ENTPD8: variants seen among roughly 807,000 people sequenced by gnomAD.
ENTPD8 encodes E-NTPDase 8.
ENTPD8 carries 35 observed loss-of-function variants against 47.0 expected under a neutral mutation model. The ratio of observed to expected loss-of-function variants is 0.75; its 90% CI spans 0.57 to 0.99. The LOEUF is 0.99. ENTPD8 is among the 50% of genes least tolerant of loss of function. The pLI is 0.00. For missense variants in ENTPD8, 668 were observed against 649.9 expected (o/e 1.03, Z -0.30); for synonymous variants, 308 against 290.5 (o/e 1.06, Z -0.61).
intron 1 of ENTPD8, among the ~76,000 whole-genome samples, chr9:137,440,194 C>T (rs1388244450): frequency 9.0e-6 from 1 of 111,200 alleles, no homozygotes; most frequent in Non-Finnish European, 1.9e-5. Context: ...CAGAACAGTC[C>T]CTGAGACCAG....
chr9:137,438,534 T>C lies in ENTPD8; in HGVS notation c.-20-229A>G, dbSNP rs1195685873. On this transcript the variant is annotated intron_variant, in intron 1 of 9. Transcript: ENST00000371506. The surrounding 1 kb of genome is among the most constrained non-coding windows in gnomAD (Gnocchi z 5.7). ...TCTCCGGGGCTCAGGCGGCCTCCCG[T>C]GGCCATAGAGGCATCTCCGGGGCTC... Among the ~76,000 whole-genome samples the C allele has an allele frequency of 6.7e-6, 1 of 149,186 alleles. No homozygotes were observed. Among genetic ancestry groups the C allele is most frequent in the African/African-American group, 2.5e-5 (1 of 39,762 alleles).
rs1338295940 is a variant in ENTPD8 at position 137,441,285 on chromosome 9, C to A, written c.-21+1G>T. ...CCCAGGACATCCCTTTGGACCCTCA[C>A]CTGGGCTGGCTGCCCACTTCCCGGA... is the stretch of plus-strand genomic sequence containing the variant. On this transcript the variant is annotated splice_donor_variant, in intron 1 of 9. Coordinates refer to ENST00000371506, the MANE Select transcript of ENTPD8 (RefSeq NM_001033113.2). LOFTEE classifies it low-confidence loss of function (5UTR_SPLICE). 3 of 276,182 alleles carry A rather than the reference C, an allele frequency of 1.1e-5. No homozygotes were observed. In the Admixed American group the frequency reaches 1.2e-4, roughly 11 times the overall value. The allele number at this position is 276,182 out of a possible 1,614,324, so 17.1% of individuals were successfully genotyped here.
chr9:137,437,121 G>A (rs780137460), intron 4 of ENTPD8, 38 bp downstream of exon 4: 1 of 1,604,946 alleles, frequency 6.2e-7, no homozygotes, highest in South Asian at 1.1e-5. Context: ...GGCTTCTGCA[G>A]CCACTCCCCG....
intron 6 of ENTPD8, 29 bp downstream of exon 6, chr9:137,436,492 C>G: frequency 6.4e-7 from 1 of 1,573,714 alleles, no homozygotes; most frequent in Non-Finnish European, 8.6e-7. Flanking sequence ...TTCCCACAGC[C>G]CCATGCACCC....
At chr9:137,439,354 G>A (rs868815911) in intron 1 of ENTPD8, among the ~76,000 whole-genome samples, 12 of 152,078 alleles carry the variant, frequency 7.9e-5, no homozygotes, top group Non-Finnish European at 2.9e-5. Flanking sequence ...CACTTCACAC[G>A]GGTACCACTG....
intron 1 of ENTPD8, among the ~76,000 whole-genome samples, chr9:137,439,227 G>A (rs1298692387): frequency 4.6e-5 from 7 of 152,132 alleles, no homozygotes; most frequent in African/African-American, 9.7e-5. Context: ...GCCATCTGAG[G>A]GGCCTGGGCT....
intron 3 of ENTPD8, among the ~76,000 whole-genome samples, chr9:137,437,703 G>A (rs571612102): frequency 6.6e-6 from 1 of 152,336 alleles, no homozygotes; most frequent in Non-Finnish European, 1.5e-5. Context: ...GGGAGCACCA[G>A]GGGCCAGAGA....
In ENTPD8 at chr9:137,436,047, C is replaced by A; in HGVS notation, c.1016G>T (p.Gly339Val). 1 of 1,612,900 alleles carries A rather than the reference C, an allele frequency of 6.2e-7. No individual in the cohort carries two copies. The highest frequency in any genetic ancestry group is 8.5e-7 in the Non-Finnish European group (1 of 1,179,978). Residue 339 changes from glycine (G) to valine (V), a missense_variant, in exon 7 of 10, where the codon GGG becomes GTG. Coordinates refer to ENST00000371506, the MANE Select transcript of ENTPD8 (RefSeq NM_001033113.2). ...CQGQEDCAFD[G>V]VYQPPLRGQF... is the part of the protein sequence containing the mutation. ...GCCCCGCAGCGGGGGCTGGTAGACC[C>A]CGTCAAAGGCGCAGTCCTCCTGGCC... is the stretch of plus-strand genomic sequence containing the variant.
rs781139036 is a variant in ENTPD8 at position 137,435,119 on chromosome 9, G to A, written c.1297-14C>T. The A allele has an allele frequency of 3.2e-5, 52 of 1,603,884 alleles. No homozygotes were observed. Among genetic ancestry groups the A allele is most frequent in the South Asian group, 9.9e-5 (9 of 90,460 alleles). ...CACACCGCCCGCCTGCGGGACACACGGCTGCTCAGGGCTGCGGGGCAGCTA... is the reference window on the plus strand; with the variant it reads ...CACACCGCCCGCCTGCGGGACACACAGCTGCTCAGGGCTGCGGGGCAGCTA... On this transcript the variant is annotated splice_polypyrimidine_tract_variant and intron_variant, in intron 9 of 9. Transcript: ENST00000371506.
rs1330273275 is a variant in ENTPD8, at chr9:137,437,144, C to T, written c.395+15G>A. Reference sequence around the variant, plus strand: ...CAGCCACTCCCCGTGGGTGCCAAGGCCATGCCTGCCTCACCTGAGCAACCT... The same window carrying T: ...CAGCCACTCCCCGTGGGTGCCAAGGTCATGCCTGCCTCACCTGAGCAACCT... On this transcript the variant is annotated intron_variant, in intron 4 of 9. Transcript: ENST00000371506. The T allele has an allele frequency of 6.2e-7, 1 of 1,611,130 alleles. No individual in the cohort carries two copies. The highest frequency in any genetic ancestry group is 1.3e-5 in the African/African-American group (1 of 74,938).
At chr9:137,437,449 G>A in intron 3 of ENTPD8, 140 bp from the exon 4 acceptor site, 1 of 1,075,166 alleles carries the variant, frequency 9.3e-7, no homozygotes, top group African/African-American at 1.6e-5. Flanking sequence ...GCTGAAGGAA[G>A]CAGGAAGGAC....
Position 137,438,030 on chromosome 9 carries a change from A to G in ENTPD8, c.181T>C (p.Trp61Arg). 1.2e-6 allele frequency: 2 copies of G among 1,612,992 alleles called. No individual in the cohort carries two copies. The highest frequency in any genetic ancestry group is 8.5e-7 in the Non-Finnish European group (1 of 1,179,890). The part of the protein sequence containing the change: ...SSHTSLFLYQ[W>R]LANKENGTGV... ...GTGCCATTCTCCTTGTTCGCCAGCC[A>G]CTGATACAGGAAGAGGGACGTGTGG... Residue 61 changes from tryptophan to arginine, a missense_variant, in exon 3 of 10, where the codon TGG becomes CGG. By Grantham distance (101) the Trp-to-Arg change is moderately radical (BLOSUM62 -3). Transcript: ENST00000371506. The surrounding 1 kb of genome is among the most constrained non-coding windows in gnomAD (Gnocchi z 5.7).
chr9:137,436,756 G>A lies in ENTPD8; in HGVS notation c.556-5C>T, dbSNP rs1839374642. On this transcript the variant is annotated splice_polypyrimidine_tract_variant and splice_region_variant and intron_variant, in intron 5 of 9. Coordinates refer to ENST00000371506, the MANE Select transcript of ENTPD8 (RefSeq NM_001033113.2). Reference sequence around the variant, plus strand: ...CCATTCTCCAGTGAAGGAGTACTGGGCACAGAAGGGGCCACTCAGCTGGGA... The same window carrying A: ...CCATTCTCCAGTGAAGGAGTACTGGACACAGAAGGGGCCACTCAGCTGGGA... 1 of 1,603,614 alleles carries A rather than the reference G, an allele frequency of 6.2e-7. No individual in the cohort carries two copies. Among genetic ancestry groups the A allele is most frequent in the Admixed American group, 1.7e-5 (1 of 59,132 alleles).
At position 137,438,406 on chromosome 9, in the gene ENTPD8, C is replaced by T; in HGVS notation, c.-20-101G>A. ...TCCCCGTCTCCCTGGAGACGCACCCCTGGACAGCCACTTGCCTTAGAGGCA... is the reference window on the plus strand; with the variant it reads ...TCCCCGTCTCCCTGGAGACGCACCCTTGGACAGCCACTTGCCTTAGAGGCA... On this transcript the variant is annotated intron_variant, in intron 1 of 9. Transcript: ENST00000371506. This position sits in a 1 kb window ranked among gnomAD's most constrained non-coding sequence, Gnocchi z 5.7. The T allele has an allele frequency of 7.6e-7, 1 of 1,307,778 alleles. No homozygotes were observed. The highest frequency in any genetic ancestry group is 1.0e-6 in the Non-Finnish European group (1 of 985,788). The allele number at this position is 1,307,778 out of a possible 1,614,324, so 81.0% of individuals were successfully genotyped here.
rs748261207 is a variant in ENTPD8, at chr9:137,437,179, C to T, written c.375G>A (p.Thr125=). Reference sequence around the variant, plus strand: ...CTCACCTGAGCAACCTCATGCCAGCCGTGGCCCCCAGGAACGTGGGTGTTT... The same window carrying T: ...CTCACCTGAGCAACCTCATGCCAGCTGTGGCCCCCAGGAACGTGGGTGTTT... The part of the protein sequence containing the change: ...HRKTPTFLGA[T]AGMRLLSRKN... The change falls in exon 4 of 10, where the codon ACG becomes ACA. Residue 125 remains threonine (T), a synonymous_variant. Transcript: ENST00000371506. 56 of 1,612,686 alleles carry T rather than the reference C, an allele frequency of 3.5e-5. No individual in the cohort carries two copies. Among genetic ancestry groups the T allele is most frequent in the South Asian group, 1.4e-4 (13 of 91,022 alleles).
Position 137,434,954 on chromosome 9 carries a change from A to G in ENTPD8, c.1448T>C (p.Val483Ala). 1 of 1,612,554 alleles carries G rather than the reference A, an allele frequency of 6.2e-7. No homozygotes were observed. Among genetic ancestry groups the G allele is most frequent in the Non-Finnish European group, 8.5e-7 (1 of 1,179,742 alleles). ...GAAGAGCTGGACCAAGGCAGCCCCC[A>G]CCACCGCCACCAGGGCCAGCACCAT... is the stretch of plus-strand genomic sequence containing the variant. ...VFMVLALVAV[V>A]GAALVQLFWL... The change falls in exon 10 of 10, where the codon GTG becomes GCG. Residue 483 changes from valine (V) to alanine (A), a missense_variant. Coordinates refer to ENST00000371506, the MANE Select transcript of ENTPD8 (RefSeq NM_001033113.2).
At position 137,435,203 on chromosome 9, in the gene ENTPD8, C is replaced by A; in HGVS notation, c.1296+1G>T. On this transcript the variant is annotated splice_donor_variant, in intron 9 of 9. Coordinates refer to ENST00000371506, the MANE Select transcript of ENTPD8 (RefSeq NM_001033113.2). LOFTEE classifies it high-confidence loss of function. ...CGCCCACGCCCAGGGGAGGCAGTCA[C>A]CTGCTTTCGGAACTCGAGGCTGGGC... 1.2e-6 allele frequency: 2 copies of A among 1,610,424 alleles called. No individual in the cohort carries two copies. The highest frequency in any genetic ancestry group is 1.1e-5 in the South Asian group (1 of 90,990).
rs1266312480 is a variant in ENTPD8, at chr9:137,438,013, C to T, written c.198G>A (p.Glu66=). Residue 66 remains glutamate (E), a synonymous_variant, in exon 3 of 10, where the codon GAG becomes GAA. Transcript: ENST00000371506. This position sits in a 1 kb window ranked among gnomAD's most constrained non-coding sequence, Gnocchi z 5.7. ...CCTGGCTGACCACACCCGTGCCATT[C>T]TCCTTGTTCGCCAGCCACTGATACA... ...LFLYQWLANK[E]NGTGVVSQAL... is the part of the protein sequence containing the mutation. 1 of 1,612,766 alleles carries T rather than the reference C, an allele frequency of 6.2e-7. No individual in the cohort carries two copies.
In ENTPD8 at chr9:137,436,567, A is replaced by G; in HGVS notation, c.740T>C (p.Phe247Ser). The change falls in exon 6 of 10, where the codon TTT (phenylalanine) becomes TCT (serine). Residue 247 changes from phenylalanine to serine, a missense_variant. By Grantham distance (155) the Phe-to-Ser change is radical (BLOSUM62 -2). Coordinates refer to ENST00000371506, the MANE Select transcript of ENTPD8 (RefSeq NM_001033113.2). ...YSVYTHSYLC[F>S]GRDQMLSRLL... ...CCTGCTCAGCATCTGGTCCCGTCCA[A>G]AGCACAGGTAGCTGTGAGTGTAGAC... is the stretch of plus-strand genomic sequence containing the variant. 1 of 1,611,970 alleles carries G rather than the reference A, an allele frequency of 6.2e-7. No homozygotes were observed. Among genetic ancestry groups the G allele is most frequent in the Non-Finnish European group, 8.5e-7 (1 of 1,179,714 alleles).
Sources: allele counts gnomAD v4.1 joint callset (sites outside exome capture counted in the v4.1 genomes callset), GRCh38; gene constraint gnomAD v4.1.1; non-coding constraint Gnocchi (gnomAD v3.1); transcripts MANE v1.5; gene names NCBI Gene and HGNC (gene_info 2026-07-23, HGNC 2026-07-21).